Variants in CNTNAP5 observed in about 807,000 individuals in gnomAD.
CNTNAP5 encodes contactin associated protein family member 5.
A neutral mutation model predicts 150.2 loss-of-function variants in CNTNAP5; 72 were observed. The ratio of observed to expected loss-of-function variants is 0.48; its 90% CI spans 0.40 to 0.58. The LOEUF (loss-of-function observed/expected upper bound fraction) is 0.58. Ranked by LOEUF, CNTNAP5 falls within the 20% of genes least tolerant of loss-of-function variation. The probability of loss-of-function intolerance (pLI) is 0.00; values close to 1 mark genes in which losing one functional copy is unlikely to be tolerated. For synonymous variants in CNTNAP5, 672 were observed against 619.8 expected (o/e 1.08, Z -1.25); for missense variants, 1,636 against 1,626.2 (o/e 1.01, Z -0.10).
At chr2:124,512,065 G>A (rs1441011306) in intron 8 of CNTNAP5, among the ~76,000 whole-genome samples, 1 of 151,806 alleles carries the variant, frequency 6.6e-6, no homozygotes, top group African/African-American at 2.4e-5. Context: ...TGTAGGTACT[G>A]AAGCTATTTC....
intron 3 of CNTNAP5, among the ~76,000 whole-genome samples, chr2:124,357,700 G>T (rs1304038943): frequency 1.4e-5 from 2 of 141,592 alleles, no homozygotes; most frequent in South Asian, 2.4e-4. Flanking sequence ...TGCTGTTTTG[G>T]TTACTGTAGC....
At chr2:124,774,057 G>T (rs889174993) in intron 17 of CNTNAP5, among the ~76,000 whole-genome samples, 1 of 151,596 alleles carries the variant, frequency 6.6e-6, no homozygotes, top group African/African-American at 2.4e-5. Context: ...GTACAAAATC[G>T]AGCTCTTAAA....
At chr2:124,666,955 A>T (rs1329495660) in intron 13 of CNTNAP5, among the ~76,000 whole-genome samples, 1 of 152,230 alleles carries the variant, frequency 6.6e-6, no homozygotes, top group Admixed American at 6.5e-5. Context: ...AAAGAACTAA[A>T]GGGAGACTAT....
At chr2:124,202,557 G>A (rs980031005) in intron 1 of CNTNAP5, among the ~76,000 whole-genome samples, 1 of 152,110 alleles carries the variant, frequency 6.6e-6, no homozygotes, top group Non-Finnish European at 1.5e-5. Flanking sequence ...GTGGTAGTCC[G>A]TTTTTATACT....
chr2:124,414,625 C>A (rs928410596), intron 3 of CNTNAP5, among the ~76,000 whole-genome samples: 1 of 152,094 alleles, frequency 6.6e-6, no homozygotes, highest in African/African-American at 2.4e-5. Flanking sequence ...ACGGGATTAA[C>A]TCCTATAAAG....
intron 1 of CNTNAP5, among the ~76,000 whole-genome samples, chr2:124,096,024 C>T (rs1682926678): frequency 6.6e-6 from 1 of 152,126 alleles, no homozygotes; most frequent in Admixed American, 6.5e-5. Flanking sequence ...CTTCAAACTG[C>T]TCTTAAAGAT....
intron 1 of CNTNAP5, among the ~76,000 whole-genome samples, chr2:124,212,562 A>T (rs1170637): frequency 0.97 from 148,320 of 152,298 alleles, 72,337 homozygotes; most frequent in East Asian, 1. Context: ...ACACTCAATA[A>T]TATAAAAGGT....
intron 13 of CNTNAP5, among the ~76,000 whole-genome samples, chr2:124,660,788 A>T (rs1202057499): frequency 6.6e-6 from 1 of 152,046 alleles, no homozygotes; most frequent in African/African-American, 2.4e-5. Flanking sequence ...GACAAAAGAT[A>T]CAAAAATGAG....
chr2:124,322,916 T>C (rs1215588335), intron 3 of CNTNAP5, among the ~76,000 whole-genome samples: 1 of 152,196 alleles, frequency 6.6e-6, no homozygotes, highest in Non-Finnish European at 1.5e-5. Flanking sequence ...AACATGTAAC[T>C]AGCAATGTGC....
chr2:124,262,271 C>A (rs957070152), intron 3 of CNTNAP5, among the ~76,000 whole-genome samples: 2 of 151,882 alleles, frequency 1.3e-5, no homozygotes, highest in African/African-American at 2.4e-5. Context: ...ATAACCCACC[C>A]CATTCTAAGC....
chr2:124,109,185 G>A (rs529966495), intron 1 of CNTNAP5, among the ~76,000 whole-genome samples: 17 of 152,214 alleles, frequency 1.1e-4, no homozygotes, highest in Admixed American at 3.9e-4. Flanking sequence ...ATTTAAATTT[G>A]TGCTTTTTAA....
At chr2:124,611,026 TTTTG>T (rs140567997) in intron 12 of CNTNAP5, among the ~76,000 whole-genome samples, 59,295 of 151,034 alleles carry the variant, frequency 0.39, 12,772 homozygotes, top group South Asian at 0.5. Flanking sequence ...CACGCACATT[TTTTG>T]TTTGTTTGTT....
chr2:124,915,648 T>C lies in CNTNAP5; in HGVS notation c.*1360T>C, dbSNP rs1678751417. Among the ~76,000 whole-genome samples the C allele has an allele frequency of 6.6e-6, 1 of 152,060 alleles. No individual in the cohort carries two copies. The highest frequency in any genetic ancestry group is 2.4e-5 in the African/African-American group (1 of 41,442). ...AAAGACCCTTCCAAACATCTTTTTATAGGCTTAAACTCCCAAAAGAGGTGG... is the reference window on the plus strand; with the variant it reads ...AAAGACCCTTCCAAACATCTTTTTACAGGCTTAAACTCCCAAAAGAGGTGG... On this transcript the variant is annotated 3_prime_UTR_variant, in exon 24 of 24. Transcript: ENST00000682447.
At chr2:124,388,734 G>A (rs572635800) in intron 3 of CNTNAP5, among the ~76,000 whole-genome samples, 25 of 151,792 alleles carry the variant, frequency 1.6e-4, no homozygotes, top group African/African-American at 5.8e-4. Flanking sequence ...CTGCTCTGTC[G>A]CCCGGAGTGA....
chr2:124,536,534 G>A (rs1390689398), intron 10 of CNTNAP5, among the ~76,000 whole-genome samples: 1 of 151,954 alleles, frequency 6.6e-6, no homozygotes, highest in African/African-American at 2.4e-5. Flanking sequence ...TTCTACATAA[G>A]ACAACCAATT....
intron 22 of CNTNAP5, among the ~76,000 whole-genome samples, chr2:124,909,787 C>G (rs1678614663): frequency 7.2e-6 from 1 of 139,038 alleles, no homozygotes. Flanking sequence ...CTCTAACACC[C>G]ACTATCATCA....
At chr2:124,209,143 C>G (rs1217739716) in intron 1 of CNTNAP5, among the ~76,000 whole-genome samples, 1 of 152,144 alleles carries the variant, frequency 6.6e-6, no homozygotes, top group Non-Finnish European at 1.5e-5. Flanking sequence ...CCATAGCTTG[C>G]TCACTCATCA....
At chr2:124,467,726 A>G (rs1693410429) in intron 6 of CNTNAP5, among the ~76,000 whole-genome samples, 1 of 152,144 alleles carries the variant, frequency 6.6e-6, no homozygotes, top group Non-Finnish European at 1.5e-5. Flanking sequence ...TCAAATTATA[A>G]CTTCCAATTC....
intron 1 of CNTNAP5, among the ~76,000 whole-genome samples, chr2:124,033,323 A>C (rs1432545184): frequency 1.3e-5 from 2 of 152,210 alleles, no homozygotes; most frequent in Non-Finnish European, 2.9e-5. Context: ...TATCCTTCTA[A>C]AGGCAATCCA....
Sources: gnomAD v4.1 joint callset for allele counts (sites outside exome capture counted in the v4.1 genomes callset) on GRCh38, gnomAD v4.1.1 for gene constraint, MANE v1.5 for transcripts, NCBI Gene and HGNC (gene_info 2026-07-23, HGNC 2026-07-21) for gene names.